The following OPN4 variants were observed in gnomAD, a reference collection of about 807,000 sequenced individuals.
OPN4 encodes the protein melanopsin.
Under a neutral mutation model 49.5 loss-of-function variants are expected in OPN4, and 43 were observed. The observed-to-expected ratio is 0.87, with a 90% CI of 0.68 to 1.12. The LOEUF (loss-of-function observed/expected upper bound fraction) is 1.12, where lower values mean the gene tolerates loss of function less well. Among genes scored for constraint, OPN4 ranks in the 50% most tolerant of loss-of-function variants. The probability of loss-of-function intolerance (pLI) is 0.00; values close to 1 mark genes in which losing one functional copy is unlikely to be tolerated. For missense variants in OPN4, 657 were observed against 643.9 expected (o/e 1.02, Z -0.22); for synonymous variants, 263 against 258.0 (o/e 1.02, Z -0.19).
In OPN4 at chr10:86,661,370, T is replaced by C. The variant is rs142432317; in HGVS notation, c.1055T>C (p.Ile352Thr). The C allele has an allele frequency of 5.0e-6, 8 of 1,613,660 alleles. No homozygotes were observed. In the African/African-American group the frequency reaches 8.0e-5, roughly 16 times the overall value. The change falls in exon 7 of 10, where the codon ATC becomes ACC. Residue 352 changes from isoleucine to threonine, a missense_variant. Ile to Thr is a moderately conservative substitution (Grantham distance 89). Coordinates refer to ENST00000241891, the MANE Select transcript of OPN4 (RefSeq NM_033282.4). Reference protein sequence around the residue: ...SAIHNPIIYAITHPKYRVAIA... With the variant: ...SAIHNPIIYATTHPKYRVAIA... ...ATCCACAACCCCATCATTTACGCCATCACCCACCCCAAGTACAGGTGTGGC... is the reference window on the plus strand; with the variant it reads ...ATCCACAACCCCATCATTTACGCCACCACCCACCCCAAGTACAGGTGTGGC...
intron 2 of OPN4, 143 bp from the exon 3 acceptor site, chr10:86,657,889 C>G: frequency 1.2e-6 from 1 of 840,694 alleles, no homozygotes; most frequent in South Asian, 1.7e-5. Context: ...CCCGGCAGCT[C>G]GTGCCTGTTT....
intron 3 of OPN4, 112 bp downstream of exon 3, chr10:86,658,277 G>A: frequency 7.1e-7 from 1 of 1,409,408 alleles, no homozygotes; most frequent in Non-Finnish European, 9.8e-7. Context: ...GGCAGAGAGT[G>A]GGTAGCTGCC....
chr10:86,662,348 C>T lies in OPN4; in HGVS notation c.1170C>T (p.Arg390=). The T allele has an allele frequency of 6.3e-7, 1 of 1,595,872 alleles. No individual in the cohort carries two copies. Among genetic ancestry groups the T allele is most frequent in the Non-Finnish European group, 8.5e-7 (1 of 1,172,612 alleles). Residue 390 remains arginine (R), a synonymous_variant, in exon 8 of 10, where the codon CGC becomes CGT. Transcript: ENST00000241891. ...ACCCCAGCTACCGCTCCACCCACCG[C>T]TCCACGCTGACCAGCCACACCTCCA... is the stretch of plus-strand genomic sequence containing the variant. ...RPYPSYRSTH[R]STLTSHTSNL...
intron 2 of OPN4, chr10:86,657,301 A>G: frequency 1.3e-6 from 1 of 760,940 alleles, no homozygotes; most frequent in Non-Finnish European, 2.5e-6. Flanking sequence ...AAGTCACTTC[A>G]TGAGTGGGAG....
At chr10:86,655,376 G>C (rs1589584372) in intron 1 of OPN4, among the ~76,000 whole-genome samples, 1 of 152,188 alleles carries the variant, frequency 6.6e-6, no homozygotes, top group South Asian at 2.1e-4. Flanking sequence ...CTGCTACCTG[G>C]GGAAGGCCGA....
At chr10:86,661,686 C>G (rs1844011345) in intron 7 of OPN4, among the ~76,000 whole-genome samples, 1 of 135,948 alleles carries the variant, frequency 7.4e-6, no homozygotes, top group Admixed American at 7.0e-5. Context: ...TGAATTTAAG[C>G]ACCCCCCCGC....
Position 86,656,183 on chromosome 10 carries a change from T to A in OPN4, c.173T>A (p.Val58Asp), listed in dbSNP as rs1398431264. 1.9e-6 allele frequency: 3 copies of A among 1,614,072 alleles called. No individual in the cohort carries two copies. In the East Asian group the frequency reaches 6.7e-5, roughly 36 times the overall value. Residue 58 changes from valine to aspartate, a missense_variant, in exon 2 of 10, where the codon GTC (valine) becomes GAC (aspartate). Val to Asp is a radical substitution (Grantham distance 152, BLOSUM62 -3). Transcript: ENST00000241891. Reference protein sequence around the residue: ...TAPGTWAAAWVPLPTVDVPDH... With the variant: ...TAPGTWAAAWDPLPTVDVPDH... ...CCTGGGACTTGGGCTGCTGCCTGGG[T>A]CCCCCTCCCCACGGTTGATGTTCCA... is the stretch of plus-strand genomic sequence containing the variant.
At chr10:86,660,658 A>G (rs1843981081) in intron 6 of OPN4, among the ~76,000 whole-genome samples, 1 of 152,084 alleles carries the variant, frequency 6.6e-6, no homozygotes, top group Non-Finnish European at 1.5e-5. Flanking sequence ...GTGTGAGAAG[A>G]GCTAGGCAGA....
At chr10:86,655,727 G>A (rs751416396) in intron 1 of OPN4, among the ~76,000 whole-genome samples, 4 of 152,170 alleles carry the variant, frequency 2.6e-5, no homozygotes, top group Non-Finnish European at 4.4e-5. Flanking sequence ...GGCTCCACCC[G>A]ACTCACCACC....
At chr10:86,663,840 G>C in intron 9 of OPN4, 38 bp downstream of exon 9, 1 of 1,544,416 alleles carries the variant, frequency 6.5e-7, no homozygotes, top group Non-Finnish European at 8.7e-7. Context: ...ACAAAGGGGT[G>C]GGGGTTAGGG....
intron 6 of OPN4, 34 bp downstream of exon 6, chr10:86,660,093 G>A: frequency 6.2e-7 from 1 of 1,610,142 alleles, no homozygotes. Flanking sequence ...GGAAGAGGCT[G>A]AAGGTGTGGG....
intron 1 of OPN4, 138 bp downstream of exon 1, chr10:86,655,065 C>A: frequency 1.2e-6 from 1 of 814,620 alleles, no homozygotes; most frequent in Non-Finnish European, 1.9e-6. Flanking sequence ...CATTACTGGA[C>A]CTCTCTGAGC....
intron 9 of OPN4, 63 bp downstream of exon 9, chr10:86,663,865 G>A: frequency 6.5e-7 from 1 of 1,528,706 alleles, no homozygotes; most frequent in Non-Finnish European, 8.8e-7. Flanking sequence ...GTAGCCCAGG[G>A]AGAGGCCAGG....
At chr10:86,656,427 C>T in intron 2 of OPN4, 127 bp downstream of exon 2, 9 of 1,192,188 alleles carry the variant, frequency 7.5e-6, no homozygotes, top group Non-Finnish European at 9.4e-6. Context: ...GCAAGGAGGG[C>T]AGGGCCATGC....
intron 4 of OPN4, 146 bp from the exon 5 acceptor site, chr10:86,659,151 C>T: frequency 4.7e-6 from 3 of 632,462 alleles, no homozygotes; most frequent in Non-Finnish European, 8.3e-6. Flanking sequence ...ATCCCAGTTC[C>T]CTCCAGCTTC....
At chr10:86,661,844 C>T (rs1844015819) in intron 7 of OPN4, among the ~76,000 whole-genome samples, 1 of 152,154 alleles carries the variant, frequency 6.6e-6, no homozygotes, top group South Asian at 2.1e-4. Flanking sequence ...CTTAGTGCTT[C>T]CTTTTGCCTG....
At chr10:86,657,531 C>A (rs1018789764) in intron 2 of OPN4, among the ~76,000 whole-genome samples, 17 of 151,942 alleles carry the variant, frequency 1.1e-4, no homozygotes, top group African/African-American at 4.1e-4. Context: ...GGGAGGGGGA[C>A]CCGCGGAGGA....
rs148179235 is a variant in OPN4, at chr10:86,665,174, G to A, written c.1399-539G>A. Among the ~76,000 whole-genome samples, 3 of 152,262 alleles carry A rather than the reference G, an allele frequency of 2.0e-5. 1 individual carries two copies. The highest frequency in any genetic ancestry group is 6.5e-5 in the Admixed American group (1 of 15,302). On this transcript the variant is annotated intron_variant, in intron 9 of 9. Transcript: ENST00000241891. ...CTGTGACCCTGGGAGCAGCCAGAGGGACCCTGGGGATTGGCAGTGGGGGAC... is the reference window on the plus strand; with the variant it reads ...CTGTGACCCTGGGAGCAGCCAGAGGAACCCTGGGGATTGGCAGTGGGGGAC...
Position 86,662,544 on chromosome 10 carries a change from C to T in OPN4, c.1254+112C>T. 7 of 1,040,060 alleles carry T rather than the reference C, an allele frequency of 6.7e-6. No homozygotes were observed. The South Asian group carries it at 9.8e-5, about 15-fold the overall frequency. 64.4% of individuals were successfully genotyped at this position (1,040,060 alleles called of 1,614,324 possible). A position where few individuals can be genotyped will look rare whatever the true frequency, so the allele number is the denominator to read the frequency against. ...CAGGGCTGCCTCTGAGACTCAGGGACACTGAGGACGCTGGCACCCTGGCAG... is the reference window on the plus strand; with the variant it reads ...CAGGGCTGCCTCTGAGACTCAGGGATACTGAGGACGCTGGCACCCTGGCAG... On this transcript the variant is annotated intron_variant, in intron 8 of 9. Transcript: ENST00000241891.
Sources: gnomAD v4.1 joint callset for allele counts (sites outside exome capture counted in the v4.1 genomes callset) on GRCh38, gnomAD v4.1.1 for gene constraint, MANE v1.5 for transcripts, NCBI Gene and HGNC (gene_info 2026-07-23, HGNC 2026-07-21) for gene names.